NRG3: variants seen among roughly 807,000 people sequenced by gnomAD.
The protein encoded by NRG3 is pro-neuregulin-3, membrane-bound isoform.
NRG3 carries 31 observed loss-of-function variants against 66.9 expected under a neutral mutation model. The observed-to-expected ratio is 0.46, with a 90% CI of 0.35 to 0.63. The LOEUF (loss-of-function observed/expected upper bound fraction) is 0.63. NRG3 is among the 20% of genes least tolerant of loss of function. NRG3 has a pLI of 0.00. For missense variants in NRG3, 910 were observed against 878.9 expected (o/e 1.04, Z -0.45); for synonymous variants, 393 against 359.4 (o/e 1.09, Z -1.06).
intron 1 of NRG3, among the ~76,000 whole-genome samples, chr10:82,259,265 C>A: frequency 6.6e-6 from 1 of 152,254 alleles, no homozygotes; most frequent in Non-Finnish European, 1.5e-5. Context: ...TTCTCAGGGC[C>A]TTTGTGTGTT....
At chr10:82,193,749 T>C (rs1228463072) in intron 1 of NRG3, among the ~76,000 whole-genome samples, 2 of 152,168 alleles carry the variant, frequency 1.3e-5, no homozygotes, top group Non-Finnish European at 2.9e-5. Flanking sequence ...AGAACAGTCT[T>C]ATTAGTAAGA....
chr10:82,709,640 A>C (rs886915607), intron 2 of NRG3, among the ~76,000 whole-genome samples: 2 of 152,016 alleles, frequency 1.3e-5, no homozygotes, highest in African/African-American at 2.4e-5. Flanking sequence ...CGGCCTCCCA[A>C]AGTGCTGGAA....
chr10:82,477,138 A>G (rs1019997320), intron 2 of NRG3, among the ~76,000 whole-genome samples: 1 of 152,130 alleles, frequency 6.6e-6, no homozygotes. Context: ...TGGGGATTCC[A>G]TATGGAGAAC....
At chr10:82,459,083 G>T (rs1039961785) in intron 2 of NRG3, among the ~76,000 whole-genome samples, 3 of 152,148 alleles carry the variant, frequency 2.0e-5, no homozygotes, top group Non-Finnish European at 4.4e-5. Flanking sequence ...AGGCCTTCTT[G>T]TCCATACTCC....
intron 2 of NRG3, among the ~76,000 whole-genome samples, chr10:82,697,502 A>G (rs1290538493): frequency 5.6e-4 from 86 of 152,328 alleles, no homozygotes; most frequent in Non-Finnish European, 2.9e-5. Context: ...AGGATCACAC[A>G]TATTCATTTT....
chr10:82,672,525 A>G (rs756358045), intron 2 of NRG3, among the ~76,000 whole-genome samples: 26 of 152,174 alleles, frequency 1.7e-4, no homozygotes, highest in Non-Finnish European at 3.2e-4. Flanking sequence ...TTCTGCCTTC[A>G]TTTACGACTA....
intron 1 of NRG3, among the ~76,000 whole-genome samples, chr10:81,929,997 CTA>C (rs1847185889): frequency 1.3e-5 from 2 of 152,164 alleles, no homozygotes; most frequent in Non-Finnish European, 2.9e-5. Flanking sequence ...GACTTTCGCA[CTA>C]TATCCCAGAG....
At chr10:82,861,878 A>G (rs995613931) in intron 3 of NRG3, among the ~76,000 whole-genome samples, 1 of 152,168 alleles carries the variant, frequency 6.6e-6, no homozygotes, top group Non-Finnish European at 1.5e-5. Flanking sequence ...TTCTGTCTAT[A>G]TGAAAAAGTT....
intron 2 of NRG3, among the ~76,000 whole-genome samples, chr10:82,625,314 T>A (rs1196228569): frequency 6.6e-6 from 1 of 151,932 alleles, no homozygotes; most frequent in East Asian, 1.9e-4. Flanking sequence ...AAAAAAATGA[T>A]CACAAATCAC....
chr10:82,062,079 A>G (rs2064184152), intron 1 of NRG3, among the ~76,000 whole-genome samples: 1 of 152,172 alleles, frequency 6.6e-6, no homozygotes, highest in Non-Finnish European at 1.5e-5. Flanking sequence ...GCCAGGTATC[A>G]TGCAGTCTGG....
At chr10:82,633,189 C>T (rs915462991) in intron 2 of NRG3, among the ~76,000 whole-genome samples, 4 of 152,112 alleles carry the variant, frequency 2.6e-5, no homozygotes, top group African/African-American at 9.7e-5. Context: ...AAGACTTTTC[C>T]TTATAGTGCA....
At chr10:82,644,398 T>C (rs1214952972) in intron 2 of NRG3, among the ~76,000 whole-genome samples, 1 of 152,190 alleles carries the variant, frequency 6.6e-6, no homozygotes, top group Non-Finnish European at 1.5e-5. Context: ...TCTATGCTTA[T>C]TTTCTTTTAT....
intron 4 of NRG3, among the ~76,000 whole-genome samples, chr10:82,878,982 T>A (rs763187913): frequency 3.3e-5 from 5 of 152,238 alleles, no homozygotes; most frequent in African/African-American, 7.2e-5. Context: ...ATTGTACTTA[T>A]CTGCACGTGG....
chr10:82,402,863 T>G (rs2087212276), intron 2 of NRG3, among the ~76,000 whole-genome samples: 1 of 152,192 alleles, frequency 6.6e-6, no homozygotes, highest in African/African-American at 2.4e-5. Context: ...AGTTATTTTC[T>G]GTGAGATCCT....
intron 2 of NRG3, among the ~76,000 whole-genome samples, chr10:82,508,788 T>G (rs758906734): frequency 2.6e-5 from 4 of 152,174 alleles, no homozygotes; most frequent in Non-Finnish European, 5.9e-5. Context: ...GGCAAATCAG[T>G]ATAATAGTCA....
rs1351358437 is a variant in NRG3 at position 82,841,695 on chromosome 10, A to G, written c.1028-23716A>G. ...TATTGAGGGTGAACTTCTCTTACTT[A>G]AAGTCAACCAATTGTAGATGTTAAC... On this transcript the variant is annotated intron_variant, in intron 3 of 8. Coordinates refer to ENST00000372141, the MANE Select transcript of NRG3 (RefSeq NM_001010848.4). 2.6e-5 allele frequency among the ~76,000 whole-genome samples: 4 copies of G among 152,344 alleles called. No homozygotes were observed. The East Asian group carries it at 5.8e-4, about 22-fold the overall frequency.
At chr10:82,039,358 G>A (rs948616143) in intron 1 of NRG3, among the ~76,000 whole-genome samples, 1 of 152,038 alleles carries the variant, frequency 6.6e-6, no homozygotes, top group Non-Finnish European at 1.5e-5. Flanking sequence ...CATGAAATTC[G>A]ATTTCAGTAT....
chr10:81,961,950 A>T (rs1309816485), intron 1 of NRG3, among the ~76,000 whole-genome samples: 1 of 152,208 alleles, frequency 6.6e-6, no homozygotes, highest in African/African-American at 2.4e-5. Context: ...TGGCTCTACC[A>T]AGTGGAGTCT....
intron 1 of NRG3, among the ~76,000 whole-genome samples, chr10:82,335,382 A>G (rs1397394869): frequency 1.3e-5 from 2 of 152,124 alleles, no homozygotes; most frequent in Non-Finnish European, 2.9e-5. Flanking sequence ...CTTTCCTACT[A>G]AACGAGGTAA....
Sources: gnomAD v4.1 joint callset for allele counts (sites outside exome capture counted in the v4.1 genomes callset) on GRCh38, gnomAD v4.1.1 for gene constraint, MANE v1.5 for transcripts, NCBI Gene and HGNC (gene_info 2026-07-23, HGNC 2026-07-21) for gene names.